Variants in PCDHA6 observed in about 807,000 individuals in gnomAD.
PCDHA6 encodes protocadherin alpha-6.
Under a neutral mutation model 60.3 loss-of-function variants are expected in PCDHA6, and 55 were observed. The ratio of observed to expected loss-of-function variants is 0.91; its 90% CI spans 0.73 to 1.14. The LOEUF is 1.14. Ranked by LOEUF, PCDHA6 falls within the 50% of genes most tolerant of loss-of-function variation. The pLI is 0.00. For missense variants in PCDHA6, 1,327 were observed against 1,256.5 expected (o/e 1.06, Z -0.85); for synonymous variants, 652 against 557.9 (o/e 1.17, Z -2.38).
At chr5:140,869,733 G>A (rs2051364392) in intron 1 of PCDHA6, 1 of 1,613,178 alleles carries the variant, frequency 6.2e-7, no homozygotes, top group Non-Finnish European at 8.5e-7. Context: ...AACTTAATTT[G>A]CTGCTAACAG....
intron 1 of PCDHA6, among the ~76,000 whole-genome samples, chr5:140,873,732 C>T (rs1309470062): frequency 6.6e-6 from 1 of 152,166 alleles, no homozygotes; most frequent in African/African-American, 2.4e-5. Context: ...GCAATCTCAG[C>T]TCACTGCAAT....
intron 1 of PCDHA6, chr5:140,835,523 A>C: frequency 6.2e-7 from 1 of 1,613,916 alleles, no homozygotes; most frequent in Non-Finnish European, 8.5e-7. Context: ...GAGATTTTGG[A>C]GTCAACGGAC....
chr5:140,854,265 A>C lies in PCDHA6; in HGVS notation c.2394+23780A>C, dbSNP rs2043061448. The C allele has an allele frequency of 6.7e-6, 4 of 593,530 alleles. 1 individual carries two copies. The highest frequency in any genetic ancestry group is 4.0e-5 in the African/African-American group (2 of 49,606). The allele number at this position is 593,530 out of a possible 1,614,324, so 36.8% of individuals were successfully genotyped here. A position where few individuals can be genotyped will look rare whatever the true frequency, so the allele number is the denominator to read the frequency against. ...TATCACTTGGTATAAAATGTACATT[A>C]GTAGAAATTGAGTTTAGTTTTTATT... On this transcript the variant is annotated intron_variant, in intron 1 of 3. Transcript: ENST00000529310.
At chr5:140,999,143 A>G (rs2097848811) in intron 3 of PCDHA6, among the ~76,000 whole-genome samples, 1 of 152,214 alleles carries the variant, frequency 6.6e-6, no homozygotes, top group Non-Finnish European at 1.5e-5. Context: ...CACAGCCGGA[A>G]GTCTTCAGTC....
At chr5:140,870,477 G>A (rs781992966) in intron 1 of PCDHA6, 2 of 1,614,238 alleles carry the variant, frequency 1.2e-6, no homozygotes, top group East Asian at 2.2e-5. Flanking sequence ...CACAGCCCGA[G>A]TACACCGTGT....
chr5:140,860,841 T>C (rs251367), intron 1 of PCDHA6: 102,021 of 152,038 alleles, frequency 0.67, 34,407 homozygotes, highest in Middle Eastern at 0.71. Context: ...AGGTTCACGC[T>C]ATTCTCCTGC....
intron 3 of PCDHA6, among the ~76,000 whole-genome samples, chr5:141,002,328 C>T (rs1421788305): frequency 3.3e-5 from 5 of 152,250 alleles, no homozygotes; most frequent in Admixed American, 6.5e-5. Flanking sequence ...GGCCGGGCTG[C>T]ATCCGCACCC....
chr5:140,831,947 A>G (rs1581926108), intron 1 of PCDHA6, among the ~76,000 whole-genome samples: 1 of 152,334 alleles, frequency 6.6e-6, no homozygotes, highest in East Asian at 1.9e-4. Flanking sequence ...AGAGGAAAAG[A>G]AAAACTTTAT....
chr5:140,986,036 G>A (rs2097184937), intron 3 of PCDHA6, among the ~76,000 whole-genome samples: 2 of 152,116 alleles, frequency 1.3e-5, no homozygotes, highest in Admixed American at 1.3e-4. Context: ...ACTGCGCCTG[G>A]CCTCACTGAT....
At chr5:140,857,933 G>A (rs1554150890) in intron 1 of PCDHA6, 2 of 1,597,790 alleles carry the variant, frequency 1.3e-6, no homozygotes, top group Admixed American at 1.7e-5. Context: ...GTACACGGGC[G>A]AGATCAGTAC....
chr5:140,879,612 G>T (rs1554170881), intron 1 of PCDHA6, among the ~76,000 whole-genome samples: 1 of 152,172 alleles, frequency 6.6e-6, no homozygotes, highest in East Asian at 1.9e-4. Context: ...ATGTGTCCAG[G>T]TACTTAGGTG....
intron 1 of PCDHA6, chr5:140,869,064 A>G (rs782442864): frequency 1.9e-6 from 3 of 1,559,452 alleles, no homozygotes; most frequent in East Asian, 4.5e-5. Flanking sequence ...TGGTACTGTA[A>G]GTGTAAAGAA....
intron 1 of PCDHA6, among the ~76,000 whole-genome samples, chr5:140,939,940 C>G (rs1438905083): frequency 6.6e-6 from 1 of 152,140 alleles, no homozygotes; most frequent in Non-Finnish European, 1.5e-5. Context: ...TTATCAGTTA[C>G]TGAGAAAATT....
intron 2 of PCDHA6, among the ~76,000 whole-genome samples, chr5:140,979,789 C>CAAAT (rs1244398411): frequency 2.6e-5 from 4 of 152,148 alleles, no homozygotes; most frequent in African/African-American, 9.7e-5. Context: ...GACCAAGAAA[C>CAAAT]AAATGATCAC....
intron 3 of PCDHA6, among the ~76,000 whole-genome samples, chr5:140,985,739 CT>C (rs11372071): frequency 0.013 from 1,497 of 117,900 alleles, 11 homozygotes; most frequent in African/African-American, 0.038. Flanking sequence ...TGATGAATTC[CT>C]TTTTTTTTTT....
intron 1 of PCDHA6, among the ~76,000 whole-genome samples, chr5:140,904,937 A>C (rs2071485651): frequency 6.6e-6 from 1 of 152,190 alleles, no homozygotes; most frequent in Non-Finnish European, 1.5e-5. Flanking sequence ...GGTTCTGGAT[A>C]TTAGTCCTTT....
intron 3 of PCDHA6, among the ~76,000 whole-genome samples, chr5:140,985,189 G>A (rs1440212716): frequency 3.3e-5 from 5 of 152,004 alleles, no homozygotes; most frequent in African/African-American, 9.7e-5. Context: ...CGCCTGCCTC[G>A]GTCTCCCAAA....
chr5:140,894,375 T>A (rs1246573357), intron 1 of PCDHA6, among the ~76,000 whole-genome samples: 1 of 152,054 alleles, frequency 6.6e-6, no homozygotes, highest in African/African-American at 2.4e-5. Flanking sequence ...ATGGCTCCAA[T>A]TATATTTGTA....
intron 1 of PCDHA6, among the ~76,000 whole-genome samples, chr5:140,964,412 GC>G (rs1330052602): frequency 7.9e-5 from 12 of 152,126 alleles, no homozygotes; most frequent in African/African-American, 2.9e-4. Flanking sequence ...ACATTTGGGG[GC>G]TTCCATTAAA....
Sources: allele counts gnomAD v4.1 joint callset (sites outside exome capture counted in the v4.1 genomes callset), GRCh38; gene constraint gnomAD v4.1.1; transcripts MANE v1.5; gene names NCBI Gene and HGNC (gene_info 2026-07-23, HGNC 2026-07-21).